The following CC2D1A variants were observed in gnomAD, a reference collection of about 807,000 sequenced individuals.
CC2D1A encodes the protein coiled-coil and C2 domain-containing protein 1A.
CC2D1A carries 68 observed loss-of-function variants against 123.8 expected under a neutral mutation model. The ratio of observed to expected loss-of-function variants is 0.55; its 90% CI spans 0.45 to 0.67. CC2D1A has a LOEUF of 0.67. CC2D1A is among the 30% of genes least tolerant of loss of function. The probability of loss-of-function intolerance (pLI) is 0.00; values close to 1 mark genes in which losing one functional copy is unlikely to be tolerated. For missense variants in CC2D1A, 1,185 were observed against 1,290.3 expected (o/e 0.92, Z 1.25); for synonymous variants, 477 against 528.0 (o/e 0.90, Z 1.32).
chr19:13,910,205 C>T (rs1246022800), intron 2 of CC2D1A, among the ~76,000 whole-genome samples: 12 of 149,302 alleles, frequency 8.0e-5, no homozygotes, highest in Admixed American at 6.0e-4. Flanking sequence ...GAGACCATCC[C>T]GGCTAACACG....
At position 13,920,836 on chromosome 19, in the gene CC2D1A, G is replaced by A; in HGVS notation, c.1555G>A (p.Gly519Ser). Reference sequence around the variant, plus strand: ...AGCCAAGCAGAAAAACGACGTGGAGGGTGCCAAGATGCACCTGCGCCAAGC... The same window carrying A: ...AGCCAAGCAGAAAAACGACGTGGAGAGTGCCAAGATGCACCTGCGCCAAGC... ...LRAKQKNDVE[G>S]AKMHLRQAKG... The change falls in exon 14 of 29, where the codon GGT becomes AGT. Residue 519 changes from glycine to serine, a missense_variant. Physicochemically the swap from Gly to Ser is moderately conservative, Grantham distance 56 (BLOSUM62 0). Transcript: ENST00000318003. The A allele has an allele frequency of 6.2e-7, 1 of 1,614,138 alleles. No homozygotes were observed. Among genetic ancestry groups the A allele is most frequent in the South Asian group, 1.1e-5 (1 of 91,084 alleles).
At chr19:13,925,964 G>GTA (rs1409041171) in intron 17 of CC2D1A, among the ~76,000 whole-genome samples, 2 of 63,346 alleles carry the variant, frequency 3.2e-5, no homozygotes, top group Admixed American at 1.8e-4. Flanking sequence ...ATATATACAC[G>GTA]TATATATATG....
Position 13,918,553 on chromosome 19 carries a change from T to C in CC2D1A, c.923T>C (p.Leu308Pro), listed in dbSNP as rs2040037580. 6.2e-7 allele frequency: 1 copy of C among 1,613,532 alleles called. No homozygotes were observed. Among genetic ancestry groups the C allele is most frequent in the African/African-American group, 1.3e-5 (1 of 74,876 alleles). ...CTGAGCCGGGGTGAGCCCGTGGACC[T>C]CTCCTGCCTGCCCCCTCCACCCGGT... ...EALSRGEPVDLSCLPPPPDQL... is the reference protein window; with the variant it reads ...EALSRGEPVDPSCLPPPPDQL... Residue 308 changes from leucine to proline, a missense_variant, in exon 8 of 29, where the codon CTC (leucine) becomes CCC (proline). Transcript: ENST00000318003.
chr19:13,906,439 A>C lies in CC2D1A; in HGVS notation c.-3A>C. The C allele has an allele frequency of 6.6e-7, 1 of 1,517,944 alleles. No individual in the cohort carries two copies. Among genetic ancestry groups the C allele is most frequent in the Non-Finnish European group, 8.8e-7 (1 of 1,134,832 alleles). The allele number at this position is 1,517,944 out of a possible 1,614,324, so 94.0% of individuals were successfully genotyped here. A position where few individuals can be genotyped will look rare whatever the true frequency, so the allele number is the denominator to read the frequency against. Reference sequence around the variant, plus strand: ...CAGGTGGTCCGGGCATCCAGCCTTGAAGATGCACAAGAGGAAAGGACCCCC... The same window carrying C: ...CAGGTGGTCCGGGCATCCAGCCTTGCAGATGCACAAGAGGAAAGGACCCCC... On this transcript the variant is annotated 5_prime_UTR_variant, in exon 1 of 29. Transcript: ENST00000318003. The surrounding 1 kb of genome is among the most constrained non-coding windows in gnomAD (Gnocchi z 4.1).
chr19:13,915,320 A>G (rs1330544119), intron 6 of CC2D1A, among the ~76,000 whole-genome samples: 1 of 152,190 alleles, frequency 6.6e-6, no homozygotes, highest in East Asian at 1.9e-4. Context: ...ATCTCGGCTC[A>G]CTGCAACCTC....
chr19:13,920,849 A>T lies in CC2D1A; in HGVS notation c.1568A>T (p.His523Leu). The T allele has an allele frequency of 6.2e-7, 1 of 1,614,166 alleles. No homozygotes were observed. The highest frequency in any genetic ancestry group is 2.2e-5 in the East Asian group (1 of 44,878). Residue 523 changes from histidine (H) to leucine (L), a missense_variant, in exon 14 of 29, where the codon CAC becomes CTC. Coordinates refer to ENST00000318003, the MANE Select transcript of CC2D1A (RefSeq NM_017721.5). ...QKNDVEGAKM[H>L]LRQAKGLEPM... is the part of the protein sequence containing the mutation. ...AACGACGTGGAGGGTGCCAAGATGC[A>T]CCTGCGCCAAGCCAAGGGACTGGAG...
At position 13,920,588 on chromosome 19, in the gene CC2D1A, C is replaced by T. The variant is rs369094911; in HGVS notation, c.1388C>T (p.Pro463Leu). The T allele has an allele frequency of 4.5e-5, 73 of 1,608,504 alleles. No homozygotes were observed. Among genetic ancestry groups the T allele is most frequent in the Non-Finnish European group, 6.0e-5 (71 of 1,176,886 alleles). The change falls in exon 13 of 29, where the codon CCC becomes CTC. Residue 463 changes from proline (P) to leucine (L), a missense_variant. Physicochemically the swap from Pro to Leu is moderately conservative, Grantham distance 98 (BLOSUM62 -3). Coordinates refer to ENST00000318003, the MANE Select transcript of CC2D1A (RefSeq NM_017721.5). ...AGCCCTGTGGCCCCCACAGCCCAGC[C>T]CAAAGCCCCACCCTCAAGAACTCCC... ...QNSPVAPTAQ[P>L]KAPPSRTPQS... is the part of the protein sequence containing the mutation.
Position 13,929,447 on chromosome 19 carries a change from G to A in CC2D1A, c.2583+5G>A. Reference sequence around the variant, plus strand: ...CAAGAGCGTCTGGAGCGGAAGGTGGGTATCCATCCTGCCGGGCTACATGGG... The same window carrying A: ...CAAGAGCGTCTGGAGCGGAAGGTGGATATCCATCCTGCCGGGCTACATGGG... On this transcript the variant is annotated splice_donor_5th_base_variant and intron_variant, in intron 25 of 28. Coordinates refer to ENST00000318003, the MANE Select transcript of CC2D1A (RefSeq NM_017721.5). The A allele has an allele frequency of 1.9e-6, 3 of 1,613,126 alleles. No homozygotes were observed. Among genetic ancestry groups the A allele is most frequent in the Non-Finnish European group, 2.5e-6 (3 of 1,179,940 alleles).
chr19:13,926,326 T>C (rs1006601244), intron 17 of CC2D1A, among the ~76,000 whole-genome samples, 191 bp from the exon 18 acceptor site: 1 of 152,040 alleles, frequency 6.6e-6, no homozygotes, highest in Non-Finnish European at 1.5e-5. Flanking sequence ...TCGAAAGTGA[T>C]CCATTGCCAA....
At chr19:13,912,459 G>A (rs368078081) in intron 3 of CC2D1A, 21 bp downstream of exon 3, 5 of 1,613,768 alleles carry the variant, frequency 3.1e-6, no homozygotes, top group Non-Finnish European at 4.2e-6. Flanking sequence ...AGGGCGGGGT[G>A]GGGGCTCTGA....
At chr19:13,910,825 C>T (rs182480824) in intron 2 of CC2D1A, among the ~76,000 whole-genome samples, 28 of 152,116 alleles carry the variant, frequency 1.8e-4, no homozygotes, top group African/African-American at 6.3e-4. Context: ...GCATGAGAAT[C>T]GCTTGAATCC....
rs1420867574 is a variant in CC2D1A, at chr19:13,929,690, G to C, written c.2710+30G>C. On this transcript the variant is annotated intron_variant, in intron 26 of 28. Transcript: ENST00000318003. ...GGGTTTGGAGATGGGCATCTGGTGGGGGAGGAGCTCCAGGATAGGCATGGG... is the reference window on the plus strand; with the variant it reads ...GGGTTTGGAGATGGGCATCTGGTGGCGGAGGAGCTCCAGGATAGGCATGGG... 21 of 1,492,592 alleles carry C rather than the reference G, an allele frequency of 1.4e-5. No homozygotes were observed. The South Asian group carries it at 2.6e-4, about 18-fold the overall frequency. The allele number at this position is 1,492,592 out of a possible 1,614,324, so 92.5% of individuals were successfully genotyped here. A position where few individuals can be genotyped will look rare whatever the true frequency, so the allele number is the denominator to read the frequency against.
At position 13,920,823 on chromosome 19, in the gene CC2D1A, A is replaced by G. The variant is rs767830765; in HGVS notation, c.1542A>G (p.Lys514=). The G allele has an allele frequency of 1.4e-5, 23 of 1,614,006 alleles. No individual in the cohort carries two copies. The highest frequency in any genetic ancestry group is 1.9e-5 in the Non-Finnish European group (23 of 1,180,008). Residue 514 remains lysine, a synonymous_variant, in exon 14 of 29, where the codon AAA becomes AAG. Transcript: ENST00000318003. The part of the protein sequence containing the change: ...LLQAALRAKQ[K]NDVEGAKMHL... ...AGGCCGCACTGCGAGCCAAGCAGAA[A>G]AACGACGTGGAGGGTGCCAAGATGC... is the stretch of plus-strand genomic sequence containing the variant.
At position 13,920,898 on chromosome 19, in the gene CC2D1A, T is replaced by C. The variant is rs755563124; in HGVS notation, c.1617T>C (p.Asn539=). Residue 539 remains asparagine (N), a synonymous_variant, in exon 14 of 29, where the codon AAT becomes AAC. Transcript: ENST00000318003. Reference sequence around the variant, plus strand: ...AGCCTATGCTGGAGGCCTCGCGCAATGGGCTGCCTGTGGACATCACCAAGG... The same window carrying C: ...AGCCTATGCTGGAGGCCTCGCGCAACGGGCTGCCTGTGGACATCACCAAGG... ...GLEPMLEASR[N]GLPVDITKVP... The C allele has an allele frequency of 1.8e-5, 29 of 1,613,672 alleles. No individual in the cohort carries two copies. The highest frequency in any genetic ancestry group is 5.0e-5 in the Admixed American group (3 of 59,934).
At chr19:13,928,055 CAG>C in intron 23 of CC2D1A, 25 bp downstream of exon 23, 1 of 1,574,696 alleles carries the variant, frequency 6.4e-7, no homozygotes, top group East Asian at 2.2e-5. Flanking sequence ...CCCCACCCAT[CAG>C]CAACCCCAGG....
chr19:13,930,232 TC>T lies in CC2D1A; in HGVS notation c.2788-5del. Reference sequence around the variant, plus strand: ...GCAGGGACTACCTGCTGAATGCCCATCCCCCACAGGATGCTGCAAAGGAGGC... The same window carrying T: ...GCAGGGACTACCTGCTGAATGCCCATCCCCACAGGATGCTGCAAAGGAGGC... On this transcript the variant is annotated splice_polypyrimidine_tract_variant and intron_variant, in intron 27 of 28. Transcript: ENST00000318003. This position sits in a 1 kb window ranked among gnomAD's most constrained non-coding sequence, Gnocchi z 6.8. 1 of 1,613,768 alleles carries T rather than the reference TC, an allele frequency of 6.2e-7. No individual in the cohort carries two copies. The highest frequency in any genetic ancestry group is 1.1e-5 in the South Asian group (1 of 91,082).
At chr19:13,912,184 C>A in intron 2 of CC2D1A, 139 bp from the exon 3 acceptor site, 1 of 963,964 alleles carries the variant, frequency 1.0e-6, no homozygotes, top group South Asian at 1.7e-5. Context: ...GGTAGCCAGG[C>A]CCCAGACCTG....
chr19:13,908,677 G>C (rs1970883578), intron 1 of CC2D1A, among the ~76,000 whole-genome samples: 1 of 152,042 alleles, frequency 6.6e-6, no homozygotes, highest in African/African-American at 2.4e-5. Flanking sequence ...TGTTGGCTAG[G>C]CTGGTCTCGA....
At chr19:13,927,704 C>T in intron 22 of CC2D1A, 189 bp from the exon 23 acceptor site, 1 of 647,460 alleles carries the variant, frequency 1.5e-6, no homozygotes, top group East Asian at 2.6e-5. Flanking sequence ...CGTAAGTAAA[C>T]CCAGGAGGCG....
Sources: gnomAD v4.1 joint callset for allele counts (sites outside exome capture counted in the v4.1 genomes callset) on GRCh38, gnomAD v4.1.1 for gene constraint, Gnocchi (gnomAD v3.1) non-coding constraint, MANE v1.5 for transcripts, NCBI Gene and HGNC (gene_info 2026-07-23, HGNC 2026-07-21) for gene names.